The following ST6GAL1 variants were observed in gnomAD, a reference collection of about 807,000 sequenced individuals.
ST6GAL1 encodes the protein ST6 beta-galactoside alpha-2,6-sialyltransferase 1, also known as beta-galactoside alpha-2,6-sialyltransferase 1.
In ST6GAL1, 20 loss-of-function variants were observed where a neutral mutation model predicts 38.0. The ratio of observed to expected loss-of-function variants is 0.53; its 90% CI spans 0.37 to 0.77. The LOEUF (loss-of-function observed/expected upper bound fraction) is 0.77. ST6GAL1 is among the 30% of genes least tolerant of loss of function. The pLI is 0.00. For synonymous variants in ST6GAL1, 196 were observed against 188.2 expected, an observed-to-expected ratio of 1.04 and a Z score of -0.34; for missense variants, 432 against 496.4, an observed-to-expected ratio of 0.87 and a Z score of 1.23.
intron 5 of ST6GAL1, among the ~76,000 whole-genome samples, chr3:187,071,358 C>G (rs1407782970): frequency 6.6e-6 from 1 of 152,122 alleles, no homozygotes; most frequent in Non-Finnish European, 1.5e-5. Flanking sequence ...TTTGGGGCTA[C>G]TTTTCTTTCT....
intron 4 of ST6GAL1, among the ~76,000 whole-genome samples, chr3:187,048,566 C>T (rs890179806): frequency 1.3e-5 from 2 of 152,168 alleles, no homozygotes; most frequent in African/African-American, 4.8e-5. Flanking sequence ...GTGTTTGTCA[C>T]AATCCGAAAT....
At chr3:186,947,450 A>G (rs1714409634) in intron 1 of ST6GAL1, among the ~76,000 whole-genome samples, 1 of 152,218 alleles carries the variant, frequency 6.6e-6, no homozygotes, top group South Asian at 2.1e-4. Context: ...TTTGTGGTGC[A>G]CAGAGACCGG....
At chr3:186,957,899 A>G (rs1391834948) in intron 1 of ST6GAL1, among the ~76,000 whole-genome samples, 1 of 152,194 alleles carries the variant, frequency 6.6e-6, no homozygotes, top group African/African-American at 2.4e-5. Context: ...TATCTCCCAC[A>G]CAGCCTTTTT....
At chr3:186,935,392 A>G (rs1290867072) in intron 1 of ST6GAL1, among the ~76,000 whole-genome samples, 3 of 151,702 alleles carry the variant, frequency 2.0e-5, no homozygotes, top group Non-Finnish European at 4.4e-5. Context: ...TATGTACCAC[A>G]TTTTCTTTAT....
chr3:187,042,815 T>C lies in ST6GAL1; in HGVS notation c.112T>C (p.Phe38Leu), dbSNP rs1250447742. The change falls in exon 4 of 8, where the codon TTT becomes CTT. Residue 38 changes from phenylalanine to leucine, a missense_variant. Transcript: ENST00000169298. ...GAAGAAAGGGAGTTACTATGATTCC[T>C]TTAAATTGCAAACCAAGGAATTCCA... ...EKKKGSYYDS[F>L]KLQTKEFQVL... The C allele has an allele frequency of 1.2e-6, 2 of 1,614,216 alleles. No homozygotes were observed. Among genetic ancestry groups the C allele is most frequent in the Non-Finnish European group, 1.7e-6 (2 of 1,180,040 alleles).
intron 4 of ST6GAL1, among the ~76,000 whole-genome samples, chr3:187,049,314 C>G (rs549077476): frequency 1.3e-5 from 2 of 152,326 alleles, no homozygotes; most frequent in East Asian, 3.9e-4. Flanking sequence ...GCACCTATTC[C>G]GCCATGTTTC....
Position 187,047,744 on chromosome 3 carries a change from A to G in ST6GAL1, c.608-3505A>G, listed in dbSNP as rs907875526. Among the ~76,000 whole-genome samples the G allele has an allele frequency of 4.2e-5, 6 of 141,350 alleles. No individual in the cohort carries two copies. The East Asian group carries it at 1.2e-3, about 29-fold the overall frequency. 92.7% of individuals were successfully genotyped at this position (141,350 alleles called of 152,430 possible). A position where few individuals can be genotyped will look rare whatever the true frequency, so the allele number is the denominator to read the frequency against. On this transcript the variant is annotated intron_variant, in intron 4 of 7. Transcript: ENST00000169298. ...TTCAATTAGCAGGGAGGTTTGACAA[A>G]CAGGATTTTTTTCTCTTTAAGTACC...
chr3:186,955,585 C>G (rs1714719122), intron 1 of ST6GAL1, among the ~76,000 whole-genome samples: 1 of 152,038 alleles, frequency 6.6e-6, no homozygotes, highest in African/African-American at 2.4e-5. Context: ...TTATTGCAAC[C>G]TCCACCTCCC....
intron 2 of ST6GAL1, among the ~76,000 whole-genome samples, chr3:187,028,965 G>T (rs1388343645): frequency 6.6e-6 from 1 of 151,748 alleles, no homozygotes; most frequent in Admixed American, 6.6e-5. Context: ...GCACGCCTGT[G>T]ATCCCAGCTA....
At chr3:186,936,895 T>C (rs1264706369) in intron 1 of ST6GAL1, among the ~76,000 whole-genome samples, 2 of 143,678 alleles carry the variant, frequency 1.4e-5, no homozygotes, top group African/African-American at 5.1e-5. Context: ...TGAGCCAAGA[T>C]TGTATTACTG....
At chr3:187,051,183 G>C in intron 4 of ST6GAL1, 66 bp from the exon 5 acceptor site, 1 of 1,398,574 alleles carries the variant, frequency 7.2e-7, no homozygotes, top group Non-Finnish European at 1.0e-6. Flanking sequence ...CCCGCCTCTC[G>C]TCTTTCTCTT....
intron 2 of ST6GAL1, among the ~76,000 whole-genome samples, chr3:186,997,591 A>C (rs181439097): frequency 6.6e-6 from 1 of 151,326 alleles, no homozygotes; most frequent in East Asian, 2.0e-4. Context: ...CCCTGTCTTT[A>C]CAAAAAATAA....
intron 2 of ST6GAL1, among the ~76,000 whole-genome samples, chr3:187,007,694 G>A (rs980462817): frequency 2.0e-5 from 3 of 152,086 alleles, no homozygotes; most frequent in African/African-American, 7.2e-5. Flanking sequence ...GTACTCAAAG[G>A]AAAAGACAGT....
chr3:187,044,284 A>G (rs892430009), intron 4 of ST6GAL1, among the ~76,000 whole-genome samples: 1 of 152,248 alleles, frequency 6.6e-6, no homozygotes, highest in African/African-American at 2.4e-5. Flanking sequence ...AGCAAAGCAC[A>G]GGAAGCTTTG....
In ST6GAL1 at chr3:186,952,672, T is replaced by A. The variant is rs1714622729; in HGVS notation, c.-324-11113T>A. Among the ~76,000 whole-genome samples the A allele has an allele frequency of 6.6e-6, 1 of 152,100 alleles. No individual in the cohort carries two copies. Among genetic ancestry groups the A allele is most frequent in the Non-Finnish European group, 1.5e-5 (1 of 68,020 alleles). ...TGCCTCTGGGAGTGGCCCTTGGACTTGGCCTCTTCTCTGTCTCCTCATGCC... is the reference window on the plus strand; with the variant it reads ...TGCCTCTGGGAGTGGCCCTTGGACTAGGCCTCTTCTCTGTCTCCTCATGCC... On this transcript the variant is annotated intron_variant, in intron 1 of 7. Transcript: ENST00000169298. The surrounding 1 kb of genome is among the most constrained non-coding windows in gnomAD (Gnocchi z 4.1).
chr3:187,003,080 A>C (rs374843289), intron 2 of ST6GAL1, among the ~76,000 whole-genome samples: 1 of 152,236 alleles, frequency 6.6e-6, no homozygotes, highest in South Asian at 2.1e-4. Flanking sequence ...CCTGAGAACC[A>C]GGGAAAGCCA....
At chr3:186,995,557 C>T (rs1460781105) in intron 2 of ST6GAL1, among the ~76,000 whole-genome samples, 1 of 149,374 alleles carries the variant, frequency 6.7e-6, no homozygotes, top group Non-Finnish European at 1.5e-5. Context: ...TGTTAAAATG[C>T]AGGCTGTGCA....
intron 1 of ST6GAL1, among the ~76,000 whole-genome samples, chr3:186,935,095 T>C (rs556306999): frequency 6.6e-6 from 1 of 152,244 alleles, no homozygotes; most frequent in African/African-American, 2.4e-5. Context: ...ACAGAGTATT[T>C]AGTCACTCAG....
chr3:186,963,255 G>C (rs938991719), intron 1 of ST6GAL1, among the ~76,000 whole-genome samples: 1 of 151,938 alleles, frequency 6.6e-6, no homozygotes, highest in Non-Finnish European at 1.5e-5. Flanking sequence ...ACGGAGTTTC[G>C]CTCTTGTTGT....
Sources: allele counts gnomAD v4.1 joint callset (sites outside exome capture counted in the v4.1 genomes callset), GRCh38; gene constraint gnomAD v4.1.1; non-coding constraint Gnocchi (gnomAD v3.1); transcripts MANE v1.5; gene names NCBI Gene and HGNC (gene_info 2026-07-23, HGNC 2026-07-21).